GRIN2A: variants seen among roughly 807,000 people sequenced by gnomAD.
GRIN2A encodes glutamate receptor ionotropic, NMDA 2A.
In GRIN2A, 22 loss-of-function variants were observed where a neutral mutation model predicts 113.4. The observed-to-expected ratio is 0.19, with a 90% CI of 0.14 to 0.28. GRIN2A has a LOEUF of 0.28. GRIN2A is among the 10% of genes least tolerant of loss of function. The pLI is 1.00. For synonymous variants in GRIN2A, 827 were observed against 738.4 expected (o/e 1.12, Z -1.94); for missense variants, 1,502 against 1,887.0 (o/e 0.80, Z 3.78).
At chr16:9,878,488 T>G (rs189985915) in intron 4 of GRIN2A, among the ~76,000 whole-genome samples, 1 of 152,136 alleles carries the variant, frequency 6.6e-6, no homozygotes. Flanking sequence ...ATGCAGAGAA[T>G]GTTGGGAGAC....
At chr16:9,921,983 A>C (rs2044366670) in intron 3 of GRIN2A, among the ~76,000 whole-genome samples, 1 of 152,248 alleles carries the variant, frequency 6.6e-6, no homozygotes, top group Non-Finnish European at 1.5e-5. Flanking sequence ...TGTTACAACT[A>C]ATAATATATT....
chr16:10,121,623 AG>A (rs1484411274), intron 2 of GRIN2A: 1 of 152,128 alleles, frequency 6.6e-6, no homozygotes, highest in Non-Finnish European at 1.5e-5. Context: ...AGCAAAGCAA[AG>A]GCACCGACTG....
intron 2 of GRIN2A, among the ~76,000 whole-genome samples, chr16:10,166,079 T>C (rs1339956369): frequency 6.6e-6 from 1 of 152,130 alleles, no homozygotes; most frequent in Non-Finnish European, 1.5e-5. Context: ...ATTTCCTCAG[T>C]CCTACAGATA....
rs72781947 is a variant in GRIN2A at position 9,782,438 on chromosome 16, A to G, written c.2357-13349T>C. 3.6e-3 allele frequency among the ~76,000 whole-genome samples: 551 copies of G among 152,314 alleles called. 3 individuals carry two copies. Among genetic ancestry groups the G allele is most frequent in the Non-Finnish European group, 6.0e-3 (409 of 68,028 alleles). Reference sequence around the variant, plus strand: ...ACTGAGGGACAACTGTATATATAATATATTGCCTTTCCAAATTAAAGTGTT... The same window carrying G: ...ACTGAGGGACAACTGTATATATAATGTATTGCCTTTCCAAATTAAAGTGTT... On this transcript the variant is annotated intron_variant, in intron 11 of 12. Coordinates refer to ENST00000330684, the MANE Select transcript of GRIN2A (RefSeq NM_001134407.3).
chr16:9,862,065 G>C (rs2043078708), intron 4 of GRIN2A, among the ~76,000 whole-genome samples: 1 of 152,186 alleles, frequency 6.6e-6, no homozygotes, highest in Non-Finnish European at 1.5e-5. Context: ...CAGCGTCCTA[G>C]AGTCATTCTG....
At chr16:9,939,485 C>T (rs1485079659) in intron 2 of GRIN2A, among the ~76,000 whole-genome samples, 3 of 152,136 alleles carry the variant, frequency 2.0e-5, no homozygotes, top group African/African-American at 4.8e-5. Context: ...GGTTAAAGGG[C>T]CTCTATTAGC....
At chr16:9,806,911 C>A (rs2041981236) in intron 10 of GRIN2A, among the ~76,000 whole-genome samples, 1 of 151,724 alleles carries the variant, frequency 6.6e-6, no homozygotes, top group African/African-American at 2.4e-5. Context: ...TGGGAGGGAC[C>A]CAGTGGGGGA....
chr16:10,070,302 G>C (rs1184364509), intron 2 of GRIN2A, among the ~76,000 whole-genome samples: 2 of 152,178 alleles, frequency 1.3e-5, no homozygotes, highest in African/African-American at 4.8e-5. Context: ...GCTACTCACA[G>C]TGGGGTCCAT....
intron 4 of GRIN2A, among the ~76,000 whole-genome samples, chr16:9,879,049 A>G (rs1171652265): frequency 2.6e-5 from 4 of 152,180 alleles, no homozygotes; most frequent in African/African-American, 7.2e-5. Flanking sequence ...TCAGATGATT[A>G]TTTTATTTTA....
intron 2 of GRIN2A, among the ~76,000 whole-genome samples, chr16:9,966,693 C>T (rs2045562187): frequency 6.6e-6 from 1 of 152,140 alleles, no homozygotes; most frequent in Non-Finnish European, 1.5e-5. Context: ...GAGAAATTGC[C>T]ACATTGTCTT....
intron 3 of GRIN2A, among the ~76,000 whole-genome samples, chr16:9,905,113 A>G (rs1313274723): frequency 2.6e-5 from 4 of 152,252 alleles, no homozygotes; most frequent in African/African-American, 4.8e-5. Flanking sequence ...CATCCATTGA[A>G]CATCTACTTT....
intron 2 of GRIN2A, among the ~76,000 whole-genome samples, chr16:10,134,996 C>G (rs1165636717): frequency 2.0e-5 from 3 of 152,232 alleles, no homozygotes; most frequent in Middle Eastern, 3.4e-3. Context: ...TAGTAAATCT[C>G]CTAATTTTAG....
At chr16:10,007,845 G>A (rs1268995422) in intron 2 of GRIN2A, among the ~76,000 whole-genome samples, 1 of 152,074 alleles carries the variant, frequency 6.6e-6, no homozygotes, top group Non-Finnish European at 1.5e-5. Flanking sequence ...CACTGACATG[G>A]GCAGATAAGA....
At chr16:10,124,688 A>C (rs1382240131) in intron 2 of GRIN2A, among the ~76,000 whole-genome samples, 1 of 152,178 alleles carries the variant, frequency 6.6e-6, no homozygotes, top group Non-Finnish European at 1.5e-5. Context: ...TCATTCATTC[A>C]TGATATTTAT....
intron 2 of GRIN2A, among the ~76,000 whole-genome samples, chr16:10,012,120 C>G (rs1392490184): frequency 6.6e-6 from 1 of 152,156 alleles, no homozygotes. Context: ...TAACATCATT[C>G]TTACTCATTT....
intron 2 of GRIN2A, among the ~76,000 whole-genome samples, chr16:10,108,489 A>AATCAC (rs2048540738): frequency 1.3e-5 from 2 of 152,240 alleles, no homozygotes; most frequent in Admixed American, 6.5e-5. Context: ...TTGCCTCAAG[A>AATCAC]ATCACACAGC....
intron 4 of GRIN2A, among the ~76,000 whole-genome samples, chr16:9,867,998 A>T (rs981399971): frequency 6.6e-6 from 1 of 152,046 alleles, no homozygotes; most frequent in Admixed American, 6.6e-5. Flanking sequence ...TTTCTCTCCC[A>T]TCTGCCATAT....
At chr16:10,007,934 C>CA (rs2141859417) in intron 2 of GRIN2A, among the ~76,000 whole-genome samples, 1 of 152,266 alleles carries the variant, frequency 6.6e-6, no homozygotes, top group South Asian at 2.1e-4. Flanking sequence ...CTTACTCTGA[C>CA]AAGTCATTCT....
rs545266190 is a variant in GRIN2A at position 10,109,263 on chromosome 16, T to C, written c.414+70735A>G. 3.9e-5 allele frequency among the ~76,000 whole-genome samples: 6 copies of C among 152,090 alleles called. No individual in the cohort carries two copies. The South Asian group carries it at 1.2e-3, about 32-fold the overall frequency. ...CCAACCCTGTATCAATTAAAGAAAT[T>C]GAACCCATAGTTTAAAACCCTCCCA... is the stretch of plus-strand genomic sequence containing the variant. On this transcript the variant is annotated intron_variant, in intron 2 of 12. Coordinates refer to ENST00000330684, the MANE Select transcript of GRIN2A (RefSeq NM_001134407.3).
Sources: allele counts gnomAD v4.1 joint callset (sites outside exome capture counted in the v4.1 genomes callset), GRCh38; gene constraint gnomAD v4.1.1; transcripts MANE v1.5; gene names NCBI Gene and HGNC (gene_info 2026-07-23, HGNC 2026-07-21).